PCDHA1: variants seen among roughly 807,000 people sequenced by gnomAD.
The protein encoded by PCDHA1 is protocadherin alpha 1, also known as protocadherin alpha-1.
In PCDHA1, 42 loss-of-function variants were observed where a neutral mutation model predicts 61.3. The observed-to-expected ratio is 0.69, with a 90% CI of 0.54 to 0.89. PCDHA1 has a LOEUF of 0.89. PCDHA1 is among the 40% of genes least tolerant of loss of function. The pLI is 0.00. For synonymous variants in PCDHA1, 610 were observed against 553.8 expected (o/e 1.10, Z -1.43); for missense variants, 1,256 against 1,235.3 (o/e 1.02, Z -0.25).
At chr5:140,809,036 GGC>G (rs1764341860) in intron 1 of PCDHA1, 1 of 1,613,732 alleles carries the variant, frequency 6.2e-7, no homozygotes, top group Non-Finnish European at 8.5e-7. Flanking sequence ...GGGGACTGGT[GGC>G]GCGCGCATCC....
chr5:140,872,909 G>A (rs1214412416), intron 1 of PCDHA1, among the ~76,000 whole-genome samples: 7 of 152,076 alleles, frequency 4.6e-5, no homozygotes, highest in African/African-American at 1.7e-4. Flanking sequence ...GCTCTATCTT[G>A]TAATGCCTTA....
intron 1 of PCDHA1, chr5:140,822,495 A>C (rs2150116798): frequency 6.2e-7 from 1 of 1,613,888 alleles, no homozygotes; most frequent in Non-Finnish European, 8.5e-7. Context: ...ACGCCCCAGA[A>C]TTTGATAAAT....
chr5:140,966,862 G>C lies in PCDHA1; in HGVS notation c.2395-12087G>C, dbSNP rs782810195. On this transcript the variant is annotated intron_variant, in intron 1 of 3. Transcript: ENST00000504120. ...TGCTACTGCCTCTCCTGCTGCTGTTGCTGCTGCTGCTACCTGGCCCTGCGG... is the reference window on the plus strand; with the variant it reads ...TGCTACTGCCTCTCCTGCTGCTGTTCCTGCTGCTGCTACCTGGCCCTGCGG... The C allele has an allele frequency of 1.2e-5, 18 of 1,562,198 alleles. No individual in the cohort carries two copies. Among genetic ancestry groups the C allele is most frequent in the Non-Finnish European group, 1.5e-5 (18 of 1,164,444 alleles).
chr5:140,809,378 G>T, intron 1 of PCDHA1: 2 of 1,614,046 alleles, frequency 1.2e-6, no homozygotes, highest in Non-Finnish European at 1.7e-6. Flanking sequence ...CACCGAGGGC[G>T]CGTGCGCTCC....
At chr5:140,826,125 T>G (rs2150142627) in intron 1 of PCDHA1, among the ~76,000 whole-genome samples, 3 of 152,250 alleles carry the variant, frequency 2.0e-5, no homozygotes, top group African/African-American at 7.2e-5. Context: ...CCTAATATCC[T>G]GAGCTACTTT....
intron 1 of PCDHA1, chr5:140,883,942 G>A (rs1223058684): frequency 1.9e-6 from 3 of 1,613,328 alleles, no homozygotes; most frequent in African/African-American, 2.7e-5. Context: ...TGCTGGACGA[G>A]AACGACAACG....
intron 1 of PCDHA1, chr5:140,851,117 T>G: frequency 7.7e-7 from 1 of 1,306,460 alleles, no homozygotes; most frequent in Non-Finnish European, 9.9e-7. Flanking sequence ...TGAATCAATT[T>G]TATTTAAATT....
chr5:140,928,428 C>T (rs1273911750), intron 1 of PCDHA1: 2 of 1,614,026 alleles, frequency 1.2e-6, no homozygotes, highest in Non-Finnish European at 8.5e-7. Flanking sequence ...CCAAAACTTC[C>T]TTTGACTTTG....
intron 1 of PCDHA1, among the ~76,000 whole-genome samples, chr5:140,951,147 AATATAGT>A (rs1554219760): frequency 9.9e-6 from 1 of 100,716 alleles, no homozygotes; most frequent in African/African-American, 4.8e-5. Flanking sequence ...TATCTTATTG[AATATAGT>A]TATAGTAGCT....
At chr5:140,941,347 T>G (rs246069) in intron 1 of PCDHA1, among the ~76,000 whole-genome samples, 2 of 130,422 alleles carry the variant, frequency 1.5e-5, no homozygotes, top group African/African-American at 5.9e-5. Context: ...GATGGAGTCT[T>G]GCTCTGTTGC....
chr5:140,948,709 CT>C (rs144736017), intron 1 of PCDHA1, among the ~76,000 whole-genome samples: 2,043 of 151,408 alleles, frequency 0.013, 38 homozygotes, highest in African/African-American at 0.047. Context: ...GTGTTCTATC[CT>C]CTTTTTTATC....
In PCDHA1 at chr5:140,857,966, G is replaced by C. The variant is rs1212933789; in HGVS notation, c.2394+69282G>C. 1.9e-6 allele frequency: 3 copies of C among 1,596,950 alleles called. No individual in the cohort carries two copies. The highest frequency in any genetic ancestry group is 1.1e-5 in the South Asian group (1 of 90,498). ...TACGACGCGCGCTCTGGATGAGACT[G>C]ACTCGCCACGCCAGCGCCTACTGGT... is the stretch of plus-strand genomic sequence containing the variant. On this transcript the variant is annotated intron_variant, in intron 1 of 3. Transcript: ENST00000504120.
intron 1 of PCDHA1, chr5:140,822,231 G>A: frequency 6.2e-7 from 1 of 1,614,236 alleles, no homozygotes; most frequent in Non-Finnish European, 8.5e-7. Context: ...CGCGGTTTCC[G>A]CTAGAGGGCG....
At chr5:140,838,340 T>G (rs1451086818) in intron 1 of PCDHA1, among the ~76,000 whole-genome samples, 1 of 149,952 alleles carries the variant, frequency 6.7e-6, no homozygotes, top group Non-Finnish European at 1.5e-5. Context: ...CCCCGGCTGG[T>G]CTCGAAATCT....
At chr5:140,796,954 A>T (rs782572078) in intron 1 of PCDHA1, 8 of 1,613,772 alleles carry the variant, frequency 5.0e-6, no homozygotes, top group Non-Finnish European at 6.8e-6. Context: ...AGCCACGGCC[A>T]CCGTGTTAGT....
chr5:140,808,950 G>A, intron 1 of PCDHA1: 4 of 1,613,764 alleles, frequency 2.5e-6, no homozygotes, highest in Non-Finnish European at 3.4e-6. Flanking sequence ...GTGGGTGTGG[G>A]CCACGTGGTG....
At chr5:140,789,963 T>C (rs1199508164) in intron 1 of PCDHA1, among the ~76,000 whole-genome samples, 2 of 152,194 alleles carry the variant, frequency 1.3e-5, no homozygotes, top group Non-Finnish European at 2.9e-5. Context: ...AAAATCTGCT[T>C]AAGGTCAAAG....
chr5:140,920,716 C>T (rs1456008356), intron 1 of PCDHA1, among the ~76,000 whole-genome samples: 3 of 151,916 alleles, frequency 2.0e-5, no homozygotes, highest in South Asian at 2.1e-4. Flanking sequence ...TGGTGGTGTG[C>T]GCCTGCAGTC....
At chr5:141,000,421 ATTT>A (rs34755515) in intron 3 of PCDHA1, among the ~76,000 whole-genome samples, 361 of 27,888 alleles carry the variant, frequency 0.013, no homozygotes, top group East Asian at 0.018. Context: ...ATATATATAT[ATTT>A]TTTTTTTTTT....
Sources: allele counts gnomAD v4.1 joint callset (sites outside exome capture counted in the v4.1 genomes callset), GRCh38; gene constraint gnomAD v4.1.1; transcripts MANE v1.5; gene names NCBI Gene and HGNC (gene_info 2026-07-23, HGNC 2026-07-21).